Variants in TDRD5 observed in about 807,000 individuals in gnomAD.
TDRD5 encodes tudor domain-containing protein 5.
A neutral mutation model predicts 120.6 loss-of-function variants in TDRD5; 41 were observed. That is an observed-to-expected ratio of 0.34 (90% CI 0.26 to 0.44). The LOEUF (loss-of-function observed/expected upper bound fraction) is 0.44, where lower values mean the gene tolerates loss of function less well. Among genes scored for constraint, TDRD5 ranks in the 20% least tolerant of loss-of-function variants. TDRD5 has a pLI of 1.00. For missense variants in TDRD5, 1,006 were observed against 1,221.2 expected (o/e 0.82, Z 2.63); for synonymous variants, 430 against 433.7 (o/e 0.99, Z 0.11).
chr1:179,658,131 G>T (rs1679103449), intron 14 of TDRD5, among the ~76,000 whole-genome samples: 1 of 151,908 alleles, frequency 6.6e-6, no homozygotes, highest in Admixed American at 6.6e-5. Flanking sequence ...ATGTCCTCCT[G>T]GTTCATCCAT....
chr1:179,677,960 C>G (rs988110718), intron 17 of TDRD5, among the ~76,000 whole-genome samples: 1 of 152,060 alleles, frequency 6.6e-6, no homozygotes, highest in African/African-American at 2.4e-5. Flanking sequence ...CATAGAGCTC[C>G]CAAGAGATTA....
intron 11 of TDRD5, 25 bp from the exon 12 acceptor site, chr1:179,650,842 A>T (rs779410557): frequency 5.6e-6 from 9 of 1,612,092 alleles, no homozygotes; most frequent in Non-Finnish European, 5.9e-6. Flanking sequence ...TATCACCTGA[A>T]TCCAATATCT....
intron 17 of TDRD5, among the ~76,000 whole-genome samples, chr1:179,683,921 G>C (rs536835163): frequency 6.6e-6 from 1 of 152,232 alleles, no homozygotes; most frequent in South Asian, 2.1e-4. Flanking sequence ...GACCAGCTAC[G>C]AGTACACATC....
At chr1:179,639,177 C>T (rs1209689833) in intron 9 of TDRD5, among the ~76,000 whole-genome samples, 1 of 152,138 alleles carries the variant, frequency 6.6e-6, no homozygotes, top group African/African-American at 2.4e-5. Flanking sequence ...TATATGTGTA[C>T]ACTGTCCTAA....
Position 179,681,944 on chromosome 1 carries a change from T to C in TDRD5, c.2861-8752T>C, listed in dbSNP as rs1222905280. Among the ~76,000 whole-genome samples, 67 of 98,750 alleles carry C rather than the reference T, an allele frequency of 6.8e-4. 3 individuals are homozygous for C. Among genetic ancestry groups the C allele is most frequent in the Non-Finnish European group, 9.0e-4 (45 of 49,874 alleles). 64.8% of individuals were successfully genotyped at this position (98,750 alleles called of 152,430 possible). A position where few individuals can be genotyped will look rare whatever the true frequency, so the allele number is the denominator to read the frequency against. On this transcript the variant is annotated intron_variant, in intron 17 of 17. Transcript: ENST00000444136. ...TCAGTGTGTTTTTCTTTTTCTTTTT[T>C]TTTTTTTTTTTTTTAAGACAGAGTG...
chr1:179,648,208 C>T (rs1261790745), intron 11 of TDRD5, among the ~76,000 whole-genome samples: 18 of 145,186 alleles, frequency 1.2e-4, no homozygotes, highest in Non-Finnish European at 6.1e-5. Flanking sequence ...AAATGTCCAA[C>T]AACGATAGAC....
In TDRD5 at chr1:179,656,525, A is replaced by G. The variant is rs138283748; in HGVS notation, c.2322+2163A>G. 2.2e-3 allele frequency among the ~76,000 whole-genome samples: 338 copies of G among 152,294 alleles called. 6 individuals are homozygous for G. The highest frequency in any genetic ancestry group is 7.7e-3 in the African/African-American group (319 of 41,562). On this transcript the variant is annotated intron_variant, in intron 14 of 17. Coordinates refer to ENST00000444136, the MANE Select transcript of TDRD5 (RefSeq NM_001199085.3). ...AATTTTAGTATAAGGCATGAAATTT[A>G]GGTTAGGTTTCATTTTGTTACATGT...
chr1:179,613,758 A>C (rs536308880), intron 4 of TDRD5, among the ~76,000 whole-genome samples: 10 of 152,244 alleles, frequency 6.6e-5, no homozygotes, highest in Non-Finnish European at 1.0e-4. Flanking sequence ...CAAAGGCTCC[A>C]CCTCCTAATA....
At chr1:179,672,268 C>T (rs1021339130) in intron 17 of TDRD5, among the ~76,000 whole-genome samples, 1 of 151,902 alleles carries the variant, frequency 6.6e-6, no homozygotes, top group African/African-American at 2.4e-5. Context: ...GCATGCATGC[C>T]AACATCTATT....
intron 4 of TDRD5, among the ~76,000 whole-genome samples, chr1:179,617,441 C>T (rs1676621277): frequency 6.6e-6 from 1 of 152,048 alleles, no homozygotes; most frequent in Admixed American, 6.6e-5. Flanking sequence ...TGGAGATTAT[C>T]TTCATTTTTC....
chr1:179,652,245 T>G (rs1400388641), intron 13 of TDRD5, 48 bp downstream of exon 13: 1 of 1,510,572 alleles, frequency 6.6e-7, no homozygotes, highest in Non-Finnish European at 8.8e-7. Flanking sequence ...ATTACTGTAA[T>G]CCTCATTTTT....
In TDRD5 at chr1:179,635,840, T is replaced by G. The variant is rs761100390; in HGVS notation, c.1473T>G (p.Tyr491Ter). 6.2e-7 allele frequency: 1 copy of G among 1,613,844 alleles called. No individual in the cohort carries two copies. Among genetic ancestry groups the G allele is most frequent in the South Asian group, 1.1e-5 (1 of 91,082 alleles). Residue 491 changes from tyrosine (Y) to a stop codon, truncating the protein, a stop_gained, in exon 9 of 18, where the codon TAT becomes TAG. Transcript: ENST00000444136. LOFTEE classifies it high-confidence loss of function. ...ISPSQFYIRI[Y>*]SRDSSELLED... ...CTAGTCAATTCTACATCCGGATCTATAGCAGGGATTCGTCAGAGTTACTCG... is the reference window on the plus strand; with the variant it reads ...CTAGTCAATTCTACATCCGGATCTAGAGCAGGGATTCGTCAGAGTTACTCG...
At chr1:179,644,441 CAA>C (rs1678228943) in intron 11 of TDRD5, among the ~76,000 whole-genome samples, 1 of 151,972 alleles carries the variant, frequency 6.6e-6, no homozygotes, top group Non-Finnish European at 1.5e-5. Flanking sequence ...TGAAATTATT[CAA>C]AAGTTTAATT....
chr1:179,639,602 A>G (rs1469473853), intron 9 of TDRD5, among the ~76,000 whole-genome samples: 1 of 152,224 alleles, frequency 6.6e-6, no homozygotes, highest in Non-Finnish European at 1.5e-5. Context: ...TCTATCCAGC[A>G]GAGAATGTGA....
At chr1:179,638,940 TG>T (rs1677902099) in intron 9 of TDRD5, among the ~76,000 whole-genome samples, 1 of 152,058 alleles carries the variant, frequency 6.6e-6, no homozygotes, top group Admixed American at 6.6e-5. Flanking sequence ...AGTTAAAATT[TG>T]GGGGACTCTG....
At chr1:179,672,868 T>C (rs1377114310) in intron 17 of TDRD5, among the ~76,000 whole-genome samples, 3 of 152,174 alleles carry the variant, frequency 2.0e-5, no homozygotes, top group Non-Finnish European at 4.4e-5. Flanking sequence ...TTCCCCACTT[T>C]ATGTTTTTGT....
intron 17 of TDRD5, among the ~76,000 whole-genome samples, chr1:179,675,271 TTA>T (rs1434661171): frequency 0.23 from 8,917 of 39,558 alleles, 873 homozygotes; most frequent in Non-Finnish European, 0.31. Context: ...ATTATTATTA[TTA>T]TTTTTTTTTT....
chr1:179,594,617 T>G (rs1252363771), intron 3 of TDRD5, among the ~76,000 whole-genome samples: 1 of 152,272 alleles, frequency 6.6e-6, no homozygotes, highest in Non-Finnish European at 1.5e-5. Context: ...GTTTACACAC[T>G]GAGCATAGGC....
chr1:179,652,560 G>A (rs1442472228), intron 13 of TDRD5, among the ~76,000 whole-genome samples: 1 of 151,818 alleles, frequency 6.6e-6, no homozygotes, highest in Non-Finnish European at 1.5e-5. Context: ...ATATTGTAAT[G>A]TTATTATGTA....
Sources: gnomAD v4.1 joint callset for allele counts (sites outside exome capture counted in the v4.1 genomes callset) on GRCh38, gnomAD v4.1.1 for gene constraint, MANE v1.5 for transcripts, NCBI Gene and HGNC (gene_info 2026-07-23, HGNC 2026-07-21) for gene names.